Variants in EPS15L1 observed in about 807,000 individuals in gnomAD.
EPS15L1 encodes the protein epidermal growth factor receptor pathway substrate 15 like 1, also known as epidermal growth factor receptor substrate 15-like 1.
EPS15L1 carries 43 observed loss-of-function variants against 117.1 expected under a neutral mutation model. That is an observed-to-expected ratio of 0.37 (90% confidence interval 0.29 to 0.47). The LOEUF is 0.47. Ranked by LOEUF, EPS15L1 falls within the 20% of genes least tolerant of loss-of-function variation. The pLI is 0.99. For synonymous variants in EPS15L1, 459 were observed against 470.5 expected (o/e 0.98, Z 0.32); for missense variants, 981 against 1,164.0 (o/e 0.84, Z 2.29).
At position 16,471,398 on chromosome 19, in the gene EPS15L1, G is replaced by A. The variant is rs1430767591; in HGVS notation, c.33+515C>T. On this transcript the variant is annotated intron_variant, in intron 1 of 23. Transcript: ENST00000455140. The surrounding 1 kb of genome is among the most constrained non-coding windows in gnomAD (Gnocchi z 4.8). The stretch of plus-strand genomic sequence containing the variant: ...TTGAGGACACAGAGAGGCGCCCGGA[G>A]ACGTACGATCTGCGCCCGGTGCAGG... 2.0e-5 allele frequency among the ~76,000 whole-genome samples: 3 copies of A among 152,230 alleles called. No homozygotes were observed. The highest frequency in any genetic ancestry group is 4.4e-5 in the Non-Finnish European group (3 of 68,042).
Position 16,394,883 on chromosome 19 carries a change from T to G in EPS15L1, c.1915+461A>C, listed in dbSNP as rs558436835. Among the ~76,000 whole-genome samples, 55 of 152,250 alleles carry G rather than the reference T, an allele frequency of 3.6e-4. No homozygotes were observed. The South Asian group carries it at 3.9e-3, about 11-fold the overall frequency. On this transcript the variant is annotated intron_variant, in intron 17 of 23. Transcript: ENST00000455140. Reference sequence around the variant, plus strand: ...GCTTGGAACACTTCCCACTGTATCTTGATGCCTTGGCTCTCTGGTTAACAG... The same window carrying G: ...GCTTGGAACACTTCCCACTGTATCTGGATGCCTTGGCTCTCTGGTTAACAG...
chr19:16,425,991 C>T (rs759111850), intron 8 of EPS15L1, among the ~76,000 whole-genome samples: 1 of 152,124 alleles, frequency 6.6e-6, no homozygotes, highest in African/African-American at 2.4e-5. Context: ...CAGATTAAGG[C>T]GAGACTCATC....
At position 16,376,196 on chromosome 19, in the gene EPS15L1, G is replaced by C. The variant is rs1172943522; in HGVS notation, c.2380+926C>G. ...TCTCCTGTGGCTGCCCACAATTCAGGGACAGTGTGGGGAACAGTCTGCCTG... is the reference window on the plus strand; with the variant it reads ...TCTCCTGTGGCTGCCCACAATTCAGCGACAGTGTGGGGAACAGTCTGCCTG... On this transcript the variant is annotated intron_variant, in intron 22 of 23. Coordinates refer to ENST00000455140, the MANE Select transcript of EPS15L1 (RefSeq NM_001258374.3). 2.0e-5 allele frequency among the ~76,000 whole-genome samples: 3 copies of C among 152,210 alleles called. No homozygotes were observed. In the East Asian group the frequency reaches 5.8e-4, roughly 29 times the overall value.
intron 12 of EPS15L1, among the ~76,000 whole-genome samples, 161 bp from the exon 13 acceptor site, chr19:16,414,006 G>A (rs565983810): frequency 2.0e-5 from 3 of 152,234 alleles, no homozygotes; most frequent in East Asian, 1.9e-4. Context: ...TCCCTTCCCC[G>A]TCAACTGTAG....
intron 13 of EPS15L1, among the ~76,000 whole-genome samples, chr19:16,410,688 T>C (rs1021993066): frequency 2.0e-5 from 3 of 152,102 alleles, no homozygotes; most frequent in Non-Finnish European, 2.9e-5. Context: ...GGCAGGCAGA[T>C]TGCTTTGAGT....
At chr19:16,395,003 T>C (rs557264835) in intron 17 of EPS15L1, among the ~76,000 whole-genome samples, 147 of 152,116 alleles carry the variant, frequency 9.7e-4, no homozygotes, top group African/African-American at 3.3e-3. Context: ...GTGGATTACC[T>C]GAGGTCAAGA....
rs1194314189 is a variant in EPS15L1, at chr19:16,381,500, CAG to C, written c.2247+3627_2247+3628del. The stretch of plus-strand genomic sequence containing the variant: ...TTCATCTGTAAAATGGCAAGAGTGA[CAG>C]AGCTCGGAAGGCTCCGGCAAGAAGG... On this transcript the variant is annotated intron_variant, in intron 21 of 23. Coordinates refer to ENST00000455140, the MANE Select transcript of EPS15L1 (RefSeq NM_001258374.3). This position sits in a 1 kb window ranked among gnomAD's most constrained non-coding sequence, Gnocchi z 4.2. Among the ~76,000 whole-genome samples, 1 of 152,218 alleles carries C rather than the reference CAG, an allele frequency of 6.6e-6. No homozygotes were observed. The highest frequency in any genetic ancestry group is 1.5e-5 in the Non-Finnish European group (1 of 68,040).
chr19:16,466,630 C>T (rs542658604), intron 1 of EPS15L1, among the ~76,000 whole-genome samples: 59 of 152,124 alleles, frequency 3.9e-4, no homozygotes, highest in Non-Finnish European at 7.1e-4. Flanking sequence ...GGGCCAGGCG[C>T]GGTGCCTCCT....
At chr19:16,417,739 G>C in intron 11 of EPS15L1, 102 bp from the exon 12 acceptor site, 1 of 1,186,202 alleles carries the variant, frequency 8.4e-7, no homozygotes, top group South Asian at 1.3e-5. Flanking sequence ...TGTCCCTTTA[G>C]TACACAGGGT....
chr19:16,425,209 G>A lies in EPS15L1; in HGVS notation c.666C>T (p.Ala222=), dbSNP rs530375545. The change falls in exon 9 of 24, where the codon GCC becomes GCT. Residue 222 remains alanine (A), a synonymous_variant. Transcript: ENST00000455140. ...SKRKKTVFPG[A]VPVLPASPPP... ...GGGGGCTGGCAGGCAGGACGGGGAC[G>A]GCGCCAGGGAACACAGTCTTCTTTC... 3.7e-4 allele frequency: 591 copies of A among 1,606,482 alleles called. 5 individuals are homozygous for A. In the South Asian group the frequency reaches 5.4e-3, roughly 15 times the overall value.
intron 18 of EPS15L1, 134 bp downstream of exon 18, chr19:16,393,817 T>C (rs1489019134): frequency 2.2e-5 from 20 of 903,964 alleles, no homozygotes; most frequent in African/African-American, 4.9e-5. Flanking sequence ...GGGTACAACA[T>C]GGATGGACGG....
intron 1 of EPS15L1, among the ~76,000 whole-genome samples, chr19:16,461,704 T>G (rs1436519720): frequency 6.6e-6 from 1 of 152,172 alleles, no homozygotes; most frequent in Non-Finnish European, 1.5e-5. Context: ...TGATGTCACT[T>G]ACACAAGAGG....
chr19:16,409,130 C>G (rs1236865437), intron 13 of EPS15L1, among the ~76,000 whole-genome samples: 1 of 152,186 alleles, frequency 6.6e-6, no homozygotes, highest in Non-Finnish European at 1.5e-5. Context: ...ACTCAGGAAG[C>G]TGATGCAGGA....
At chr19:16,457,043 C>A (rs539300708) in intron 1 of EPS15L1, among the ~76,000 whole-genome samples, 10 of 152,256 alleles carry the variant, frequency 6.6e-5, no homozygotes, top group Non-Finnish European at 1.2e-4. Context: ...AGGAGCAGGG[C>A]TGGAAGGAAG....
chr19:16,360,578 C>CAA (rs35743635), intron 23 of EPS15L1, among the ~76,000 whole-genome samples: 13 of 139,024 alleles, frequency 9.4e-5, no homozygotes, highest in African/African-American at 2.6e-4. Context: ...CCTACCTCTA[C>CAA]AAAAAAAAAA....
intron 3 of EPS15L1, chr19:16,441,151 TTA>T (rs1305987576): frequency 5.4e-6 from 3 of 554,492 alleles, no homozygotes; most frequent in Non-Finnish European, 9.8e-6. Flanking sequence ...CCAATGGTGT[TTA>T]TGACACCCTT....
Position 16,366,212 on chromosome 19 carries a change from G to A in EPS15L1, c.2381-4228C>T, listed in dbSNP as rs192455478. On this transcript the variant is annotated intron_variant, in intron 22 of 23. Transcript: ENST00000455140. ...GGACACTGCTTGATTTCTCGAAGCC[G>A]TTCCTGCAGGGAGTGATCACCTGAG... Among the ~76,000 whole-genome samples the A allele has an allele frequency of 3.9e-5, 6 of 152,238 alleles. No homozygotes were observed. In the South Asian group the frequency reaches 1.0e-3, roughly 26 times the overall value.
intron 1 of EPS15L1, among the ~76,000 whole-genome samples, chr19:16,466,822 G>A (rs546495326): frequency 6.6e-6 from 1 of 151,472 alleles, no homozygotes; most frequent in Non-Finnish European, 1.5e-5. Flanking sequence ...AGAATCGCTT[G>A]AATCCAGGAG....
In EPS15L1 at chr19:16,393,996, G is replaced by T. The variant is rs2092512704; in HGVS notation, c.1921C>A (p.Pro641Thr). The T allele has an allele frequency of 6.2e-7, 1 of 1,613,976 alleles. No individual in the cohort carries two copies. Among genetic ancestry groups the T allele is most frequent in the Non-Finnish European group, 8.5e-7 (1 of 1,179,960 alleles). ...FKGADPFKGDPFQNDPFAEQQ... is the reference protein window; with the variant it reads ...FKGADPFKGDTFQNDPFAEQQ... ...TCTGCAAAGGGGTCATTCTGGAACG[G>T]GTCGCCTGGTTGGAAGAGGAGAGAA... The change falls in exon 18 of 24, where the codon CCG (proline) becomes ACG (threonine). Residue 641 changes from proline (P) to threonine (T), a missense_variant. Physicochemically the swap from Pro to Thr is conservative, Grantham distance 38. This residue lies in a region of EPS15L1 where 819 missense variants were observed against 949.0 expected (regional missense o/e 0.86). Coordinates refer to ENST00000455140, the MANE Select transcript of EPS15L1 (RefSeq NM_001258374.3).
Sources: allele counts gnomAD v4.1 joint callset (sites outside exome capture counted in the v4.1 genomes callset), GRCh38; gene constraint gnomAD v4.1.1; regional missense constraint gnomAD v4.1.1; non-coding constraint Gnocchi (gnomAD v3.1); transcripts MANE v1.5; gene names NCBI Gene and HGNC (gene_info 2026-07-23, HGNC 2026-07-21).